ABCA10: variants seen among roughly 807,000 people sequenced by gnomAD.
ABCA10 encodes the protein ATP-binding cassette sub-family A member 10.
ABCA10 carries 169 observed loss-of-function variants against 187.5 expected under a neutral mutation model. That is an observed-to-expected ratio of 0.90 (90% CI 0.80 to 1.02). ABCA10 has a LOEUF of 1.02. Among genes scored for constraint, ABCA10 ranks in the 50% least tolerant of loss-of-function variants. The pLI is 0.00. For synonymous variants in ABCA10, 574 were observed against 601.8 expected (o/e 0.95, Z 0.68); for missense variants, 1,727 against 1,812.4 (o/e 0.95, Z 0.86).
chr17:69,224,903 G>T (rs2074781073), intron 3 of ABCA10, among the ~76,000 whole-genome samples: 1 of 151,768 alleles, frequency 6.6e-6, no homozygotes, highest in South Asian at 2.1e-4. Flanking sequence ...CCTATATACT[G>T]GGAACTATAT....
chr17:69,241,652 T>C (rs919285706), intron 1 of ABCA10, among the ~76,000 whole-genome samples: 1 of 152,212 alleles, frequency 6.6e-6, no homozygotes, highest in East Asian at 1.9e-4. Context: ...CTTCTCAGTG[T>C]AGTCTTGCCT....
At chr17:69,180,058 C>G (rs1004976261) in intron 22 of ABCA10, among the ~76,000 whole-genome samples, 2 of 152,156 alleles carry the variant, frequency 1.3e-5, no homozygotes, top group Non-Finnish European at 2.9e-5. Flanking sequence ...AATAATGGCT[C>G]ATGGTTGTGC....
In ABCA10 at chr17:69,153,170, C is replaced by A. The variant is rs2074143338; in HGVS notation, c.4136+135G>T. 4.7e-6 allele frequency: 5 copies of A among 1,067,628 alleles called. No individual in the cohort carries two copies. In the South Asian group the frequency reaches 1.3e-4, roughly 27 times the overall value. 66.1% of individuals were successfully genotyped at this position (1,067,628 alleles called of 1,614,324 possible). On this transcript the variant is annotated intron_variant, in intron 34 of 38. Coordinates refer to ENST00000690296, the MANE Select transcript of ABCA10 (RefSeq NM_001377321.1). The stretch of plus-strand genomic sequence containing the variant: ...ATTTTGAATGCTATATTAGGTTTCA[C>A]TGAATTACATAATAGAAGATGTGCA...
At chr17:69,169,740 A>C (rs2074282462) in intron 25 of ABCA10, among the ~76,000 whole-genome samples, 1 of 152,236 alleles carries the variant, frequency 6.6e-6, no homozygotes, top group Non-Finnish European at 1.5e-5. Flanking sequence ...GATATGGACA[A>C]GTGGATATAT....
At chr17:69,221,949 G>A (rs1598124933) in intron 4 of ABCA10, 54 bp from the exon 5 acceptor site, 1 of 1,341,218 alleles carries the variant, frequency 7.5e-7, no homozygotes, top group East Asian at 2.4e-5. Context: ...TCAACTCCTG[G>A]AATTAAAACT....
chr17:69,189,170 T>C (rs1478181026), intron 18 of ABCA10, among the ~76,000 whole-genome samples: 1 of 152,196 alleles, frequency 6.6e-6, no homozygotes, highest in Non-Finnish European at 1.5e-5. Context: ...TCATTCCCTT[T>C]TCTCCACAAC....
At chr17:69,205,172 C>A (rs1398089560) in intron 9 of ABCA10, among the ~76,000 whole-genome samples, 1 of 151,666 alleles carries the variant, frequency 6.6e-6, no homozygotes, top group African/African-American at 2.4e-5. Context: ...CGTATTATAC[C>A]CAAATAAAGG....
At chr17:69,201,458 T>A (rs1165296148) in intron 10 of ABCA10, 42 bp downstream of exon 10, 6 of 1,444,538 alleles carry the variant, frequency 4.2e-6, no homozygotes, top group Non-Finnish European at 5.5e-6. Context: ...TTTACTAAGC[T>A]TTTACCTATA....
chr17:69,194,279 A>G (rs2074482829), intron 12 of ABCA10, 106 bp downstream of exon 12: 1 of 942,278 alleles, frequency 1.1e-6, no homozygotes, highest in Non-Finnish European at 1.6e-6. Flanking sequence ...GCTCTAAATT[A>G]TTCAACTGTG....
At position 69,200,619 on chromosome 17, in the gene ABCA10, T is replaced by C. The variant is rs191165476; in HGVS notation, c.1175+881A>G. On this transcript the variant is annotated intron_variant, in intron 10 of 38. Coordinates refer to ENST00000690296, the MANE Select transcript of ABCA10 (RefSeq NM_001377321.1). The stretch of plus-strand genomic sequence containing the variant: ...AACCAGTTTGAATATACAACTAACA[T>C]TTATGCAGTTTCTATTATGTAACAG... Among the ~76,000 whole-genome samples, 3 of 152,384 alleles carry C rather than the reference T, an allele frequency of 2.0e-5. No homozygotes were observed. In the East Asian group the frequency reaches 5.8e-4, roughly 29 times the overall value.
intron 10 of ABCA10, among the ~76,000 whole-genome samples, chr17:69,198,985 T>G (rs2074524845): frequency 6.6e-6 from 1 of 152,216 alleles, no homozygotes; most frequent in Non-Finnish European, 1.5e-5. Flanking sequence ...TGCCTACCTC[T>G]TAAAGTTAAC....
intron 11 of ABCA10, chr17:69,196,159 C>T (rs1418802390): frequency 1.9e-5 from 3 of 158,952 alleles, no homozygotes; most frequent in Non-Finnish European, 4.1e-5. Context: ...CTGCCCCCCA[C>T]CTCCCTCCCG....
At position 69,152,688 on chromosome 17, in the gene ABCA10, G is replaced by A. The variant is rs540063903; in HGVS notation, c.4137-207C>T. Among the ~76,000 whole-genome samples the A allele has an allele frequency of 5.3e-5, 8 of 152,230 alleles. No homozygotes were observed. In the South Asian group the frequency reaches 1.7e-3, roughly 32 times the overall value. ...TGTGGTCCCAGCTGCTTGGGAGGCTGAGATGAGTGGATCACTTAAGCCCAG... is the reference window on the plus strand; with the variant it reads ...TGTGGTCCCAGCTGCTTGGGAGGCTAAGATGAGTGGATCACTTAAGCCCAG... On this transcript the variant is annotated intron_variant, in intron 34 of 38. Coordinates refer to ENST00000690296, the MANE Select transcript of ABCA10 (RefSeq NM_001377321.1).
chr17:69,231,233 T>C (rs1009542560), upstream of ABCA10, among the ~76,000 whole-genome samples: 1 of 152,152 alleles, frequency 6.6e-6, no homozygotes, highest in Non-Finnish European at 1.5e-5. Context: ...TGTGTTGTCA[T>C]TACGTGGCAT....
intron 25 of ABCA10, among the ~76,000 whole-genome samples, chr17:69,167,111 A>G (rs980003172): frequency 6.6e-6 from 1 of 152,180 alleles, no homozygotes; most frequent in East Asian, 1.9e-4. Context: ...AAAGTCAGCA[A>G]GTATCTTGCC....
At chr17:69,199,944 G>A (rs1036769391) in intron 10 of ABCA10, among the ~76,000 whole-genome samples, 1 of 152,170 alleles carries the variant, frequency 6.6e-6, no homozygotes, top group Admixed American at 6.5e-5. Flanking sequence ...GCAGGAGATA[G>A]GACTTGAAAG....
chr17:69,203,922 G>A (rs1417339686), intron 9 of ABCA10, among the ~76,000 whole-genome samples: 3 of 152,192 alleles, frequency 2.0e-5, no homozygotes, highest in Non-Finnish European at 4.4e-5. Flanking sequence ...ATTTCAAATT[G>A]AAGAATTAAG....
intron 2 of ABCA10, 31 bp downstream of exon 2, chr17:69,227,114 G>GAGATATATATATAT (rs1555665026): frequency 4.4e-5 from 6 of 137,416 alleles, no homozygotes; most frequent in Non-Finnish European, 7.9e-5. Flanking sequence ...ATTAATTATG[G>GAGATATATATATAT]ATATATATAT....
At chr17:69,189,197 A>AT (rs1218013764) in intron 18 of ABCA10, among the ~76,000 whole-genome samples, 5 of 151,854 alleles carry the variant, frequency 3.3e-5, no homozygotes, top group Non-Finnish European at 7.4e-5. Context: ...AGCATCTGTT[A>AT]TTTTTTTACT....
Sources: allele counts gnomAD v4.1 joint callset (sites outside exome capture counted in the v4.1 genomes callset), GRCh38; gene constraint gnomAD v4.1.1; transcripts MANE v1.5; gene names NCBI Gene and HGNC (gene_info 2026-07-23, HGNC 2026-07-21).